Variants in TSHZ2 observed in about 807,000 individuals in gnomAD.
TSHZ2 encodes the protein teashirt zinc finger homeobox 2.
TSHZ2 carries 21 observed loss-of-function variants against 74.4 expected under a neutral mutation model. The ratio of observed to expected loss-of-function variants is 0.28; its 90% CI spans 0.20 to 0.41. The LOEUF (loss-of-function observed/expected upper bound fraction) is 0.41. TSHZ2 is among the 10% of genes least tolerant of loss of function. The probability of loss-of-function intolerance (pLI) is 1.00; values close to 1 mark genes in which losing one functional copy is unlikely to be tolerated. For synonymous variants in TSHZ2, 540 were observed against 515.3 expected (o/e 1.05, Z -0.65); for missense variants, 1,244 against 1,293.5 (o/e 0.96, Z 0.59).
chr20:53,191,191 G>A (rs562396629), intron 1 of TSHZ2, among the ~76,000 whole-genome samples: 18 of 151,928 alleles, frequency 1.2e-4, no homozygotes, highest in Non-Finnish European at 2.4e-4. Flanking sequence ...ACATTATTAC[G>A]TATTGTATTG....
chr20:53,254,449 T>C lies in TSHZ2; in HGVS notation c.991T>C (p.Cys331Arg). 1.9e-6 allele frequency: 3 copies of C among 1,613,878 alleles called. No individual in the cohort carries two copies. Among genetic ancestry groups the C allele is most frequent in the Non-Finnish European group, 2.5e-6 (3 of 1,179,752 alleles). ...KKRVFDVNRP[C>R]SPDSTTGSFA... ...ACGCGTTTTTGATGTCAATCGGCCG[T>C]GTTCCCCCGATTCAACCACAGGATC... Residue 331 changes from cysteine to arginine, a missense_variant, in exon 2 of 3, where the codon TGT (cysteine) becomes CGT (arginine). This residue lies in a region of TSHZ2 where 470 missense variants were observed against 456.5 expected (regional missense o/e 1.03). Coordinates refer to ENST00000371497, the MANE Select transcript of TSHZ2 (RefSeq NM_173485.6).
At chr20:53,409,534 A>G (rs1982970483) in intron 2 of TSHZ2, among the ~76,000 whole-genome samples, 2 of 152,174 alleles carry the variant, frequency 1.3e-5, no homozygotes, top group Admixed American at 6.5e-5. Context: ...CAAATACAGA[A>G]CCAACTTTCT....
intron 2 of TSHZ2, among the ~76,000 whole-genome samples, chr20:53,424,037 CT>C (rs1026417041): frequency 2.6e-5 from 4 of 152,202 alleles, no homozygotes; most frequent in Admixed American, 6.5e-5. Context: ...GTTGAGAATC[CT>C]TTGGTTTAAA....
intron 2 of TSHZ2, among the ~76,000 whole-genome samples, chr20:53,268,413 A>G (rs964363747): frequency 6.6e-6 from 1 of 152,180 alleles, no homozygotes; most frequent in African/African-American, 2.4e-5. Flanking sequence ...GGGCCGAGAC[A>G]TGGCAATACG....
chr20:53,035,551 T>C (rs1232289180), intron 1 of TSHZ2, among the ~76,000 whole-genome samples: 3 of 152,144 alleles, frequency 2.0e-5, no homozygotes, highest in Admixed American at 2.0e-4. Flanking sequence ...ATATTTCCTG[T>C]GGTATATTAA....
Position 53,045,758 on chromosome 20 carries a change from G to A in TSHZ2, c.40+72425G>A, listed in dbSNP as rs562010293. 2.0e-4 allele frequency among the ~76,000 whole-genome samples: 30 copies of A among 152,258 alleles called. No individual in the cohort carries two copies. In the South Asian group the frequency reaches 2.1e-3, roughly 11 times the overall value. On this transcript the variant is annotated intron_variant, in intron 1 of 2. Coordinates refer to ENST00000371497, the MANE Select transcript of TSHZ2 (RefSeq NM_173485.6). Reference sequence around the variant, plus strand: ...TTCTCTACCTATGGGTAGTAATCCCGGAGGGATGTGGTGAGGCATAAGAGA... The same window carrying A: ...TTCTCTACCTATGGGTAGTAATCCCAGAGGGATGTGGTGAGGCATAAGAGA...
chr20:53,072,793 G>A (rs1165562084), intron 1 of TSHZ2, among the ~76,000 whole-genome samples: 2 of 152,060 alleles, frequency 1.3e-5, no homozygotes, highest in Non-Finnish European at 2.9e-5. Context: ...CTGTTTACTG[G>A]GGGGTCGAGG....
At chr20:53,248,782 T>C (rs1315127445) in intron 1 of TSHZ2, among the ~76,000 whole-genome samples, 1 of 152,182 alleles carries the variant, frequency 6.6e-6, no homozygotes, top group Non-Finnish European at 1.5e-5. Flanking sequence ...AGCAAGGAAG[T>C]TGGTAGCTGG....
chr20:53,190,924 T>C (rs1988722119), intron 1 of TSHZ2, among the ~76,000 whole-genome samples: 1 of 152,216 alleles, frequency 6.6e-6, no homozygotes, highest in Non-Finnish European at 1.5e-5. Context: ...GGGTACATTT[T>C]TTTTGTGAAA....
At position 53,339,987 on chromosome 20, in the gene TSHZ2, A is replaced by G. The variant is rs111792555; in HGVS notation, c.*8+83416A>G. ...AGCAGGGAACACCTGTGCTTTACTC[A>G]TGCCTTTTCCTTTGTCTGAGTTGTC... On this transcript the variant is annotated intron_variant, in intron 2 of 2. Transcript: ENST00000371497. Among the ~76,000 whole-genome samples the G allele has an allele frequency of 5.0e-3, 766 of 152,158 alleles. 4 individuals carry two copies. Among genetic ancestry groups the G allele is most frequent in the African/African-American group, 0.017 (719 of 41,522 alleles).
chr20:53,384,220 G>A (rs1190190931), intron 2 of TSHZ2, among the ~76,000 whole-genome samples: 3 of 152,104 alleles, frequency 2.0e-5, no homozygotes, highest in East Asian at 1.9e-4. Context: ...GTTGGGAGCC[G>A]TGAGCCAGTT....
chr20:53,021,453 G>T (rs1433854469), intron 1 of TSHZ2, among the ~76,000 whole-genome samples: 2 of 152,190 alleles, frequency 1.3e-5, no homozygotes, highest in Non-Finnish European at 2.9e-5. Context: ...CTCCGCTGAT[G>T]CTGAATCAAA....
chr20:53,434,407 C>T (rs990899310), intron 2 of TSHZ2, among the ~76,000 whole-genome samples: 7 of 152,074 alleles, frequency 4.6e-5, no homozygotes, highest in Non-Finnish European at 8.8e-5. Context: ...AAGGTGCTGA[C>T]AATACAATAA....
chr20:53,403,400 T>C (rs1382190132), intron 2 of TSHZ2, among the ~76,000 whole-genome samples: 1 of 152,252 alleles, frequency 6.6e-6, no homozygotes, highest in East Asian at 1.9e-4. Flanking sequence ...GAAGTTTCTC[T>C]CTTCTGCGGG....
chr20:53,241,171 A>G (rs963883292), intron 1 of TSHZ2, among the ~76,000 whole-genome samples: 8 of 152,196 alleles, frequency 5.3e-5, no homozygotes, highest in African/African-American at 1.9e-4. Context: ...CGAAGGGTCA[A>G]AAAACCCTGG....
At chr20:53,248,877 C>T (rs919993666) in intron 1 of TSHZ2, among the ~76,000 whole-genome samples, 7 of 152,170 alleles carry the variant, frequency 4.6e-5, no homozygotes, top group East Asian at 3.9e-4. Flanking sequence ...TGCACTCTGT[C>T]GCCCAGGCTG....
intron 2 of TSHZ2, among the ~76,000 whole-genome samples, chr20:53,414,487 G>A (rs562112018): frequency 1.3e-4 from 20 of 152,152 alleles, no homozygotes; most frequent in African/African-American, 2.4e-5. Flanking sequence ...CAGGCGTGGT[G>A]GCACACACAT....
At chr20:53,072,966 TATCCCTCCATCC>T (rs1171744506) in intron 1 of TSHZ2, among the ~76,000 whole-genome samples, 15 of 109,078 alleles carry the variant, frequency 1.4e-4, no homozygotes, top group African/African-American at 4.1e-4. Context: ...TTCATCCATC[TATCCCTCCATCC>T]ATCCCTCCCT....
chr20:52,975,688 G>A (rs1464793671), intron 1 of TSHZ2, among the ~76,000 whole-genome samples: 1 of 152,150 alleles, frequency 6.6e-6, no homozygotes, highest in Non-Finnish European at 1.5e-5. Context: ...TACACAGTGA[G>A]GGCCCTCTTA....
Sources: gnomAD v4.1 joint callset for allele counts (sites outside exome capture counted in the v4.1 genomes callset) on GRCh38, gnomAD v4.1.1 for gene constraint, gnomAD v4.1.1 regional missense constraint, MANE v1.5 for transcripts, NCBI Gene and HGNC (gene_info 2026-07-23, HGNC 2026-07-21) for gene names.